MSRA: variants seen among roughly 807,000 people sequenced by gnomAD.
The protein encoded by MSRA is methionine sulfoxide reductase A.
In MSRA, 54 loss-of-function variants were observed where a neutral mutation model predicts 31.3. That is an observed-to-expected ratio of 1.73 (90% confidence interval 1.39 to 2.17). The LOEUF is 2.17. MSRA is among the 30% of genes most tolerant of loss of function. MSRA has a pLI of 0.00. For missense variants in MSRA, 507 were observed against 300.9 expected (o/e 1.69, Z -5.07); for synonymous variants, 169 against 116.5 (o/e 1.45, Z -2.90).
chr8:10,323,642 C>T (rs962928797), intron 5 of MSRA, among the ~76,000 whole-genome samples: 4 of 151,778 alleles, frequency 2.6e-5, no homozygotes, highest in Non-Finnish European at 4.4e-5. Flanking sequence ...TATAATTATC[C>T]TTTCATTATT....
At chr8:10,379,305 A>G (rs11249994) in intron 5 of MSRA, among the ~76,000 whole-genome samples, 74,372 of 151,660 alleles carry the variant, frequency 0.49, 18,496 homozygotes, top group Non-Finnish European at 0.53. Context: ...TTGCTTAACG[A>G]AGAAAAAAAA....
chr8:10,295,218 G>A (rs577179712), intron 3 of MSRA, among the ~76,000 whole-genome samples: 3 of 152,184 alleles, frequency 2.0e-5, no homozygotes, highest in Admixed American at 2.0e-4. Flanking sequence ...TCTCAGGGAC[G>A]CCTGCTCCTC....
intron 1 of MSRA, among the ~76,000 whole-genome samples, chr8:10,165,334 A>G (rs6999817): frequency 0.029 from 4,405 of 152,092 alleles, 225 homozygotes; most frequent in African/African-American, 0.1. Flanking sequence ...AAGTGCTTCT[A>G]TTCTTTTTTT....
chr8:10,191,488 G>T (rs956952249), intron 1 of MSRA, among the ~76,000 whole-genome samples: 14 of 152,156 alleles, frequency 9.2e-5, no homozygotes, highest in African/African-American at 3.4e-4. Context: ...GCAATCCCCT[G>T]GATAATGCAA....
intron 5 of MSRA, among the ~76,000 whole-genome samples, chr8:10,329,749 C>G (rs955230875): frequency 4.6e-5 from 7 of 151,404 alleles, no homozygotes; most frequent in African/African-American, 1.7e-4. Flanking sequence ...GGTGGGAGCG[C>G]ATCTGGCTTG....
chr8:10,356,039 G>C (rs1436485236), intron 5 of MSRA, among the ~76,000 whole-genome samples: 1 of 152,214 alleles, frequency 6.6e-6, no homozygotes, highest in Non-Finnish European at 1.5e-5. Flanking sequence ...CCAGACTGCT[G>C]TGCCATCGAC....
chr8:10,111,543 C>G (rs755517209), intron 1 of MSRA, among the ~76,000 whole-genome samples: 2 of 152,196 alleles, frequency 1.3e-5, no homozygotes, highest in East Asian at 1.9e-4. Context: ...GACCATCAGA[C>G]AGGCCTTTTT....
chr8:10,080,626 C>T (rs575329296), intron 1 of MSRA, among the ~76,000 whole-genome samples: 5 of 151,878 alleles, frequency 3.3e-5, no homozygotes, highest in African/African-American at 4.8e-5. Flanking sequence ...TCTGGGCTCA[C>T]GCAATCCTCC....
At chr8:10,081,195 C>T (rs980842049) in intron 1 of MSRA, among the ~76,000 whole-genome samples, 27 of 152,160 alleles carry the variant, frequency 1.8e-4, no homozygotes, top group South Asian at 8.3e-4. Flanking sequence ...AAGAACTAGG[C>T]GGATGGGGCA....
At chr8:10,275,250 T>C (rs576496867) in intron 3 of MSRA, among the ~76,000 whole-genome samples, 52 of 152,204 alleles carry the variant, frequency 3.4e-4, no homozygotes, top group Non-Finnish European at 5.7e-4. Flanking sequence ...ATCCCCGTGA[T>C]TGCAAGATAA....
intron 3 of MSRA, among the ~76,000 whole-genome samples, chr8:10,289,997 A>G (rs181743818): frequency 3.3e-5 from 5 of 152,306 alleles, no homozygotes; most frequent in African/African-American, 1.2e-4. Context: ...ATTGCTCTTA[A>G]CCATCTTCTA....
intron 3 of MSRA, among the ~76,000 whole-genome samples, chr8:10,256,334 G>T (rs1798177831): frequency 1.3e-5 from 2 of 152,194 alleles, no homozygotes; most frequent in South Asian, 2.1e-4. Flanking sequence ...AATATTCCAT[G>T]GCCTGGATGT....
At chr8:10,302,635 G>T (rs758890980) in intron 4 of MSRA, among the ~76,000 whole-genome samples, 1 of 152,220 alleles carries the variant, frequency 6.6e-6, no homozygotes, top group Non-Finnish European at 1.5e-5. Flanking sequence ...TTTGCCAGAG[G>T]GCAAAGGTCA....
At chr8:10,124,221 T>G (rs1322768902) in intron 1 of MSRA, among the ~76,000 whole-genome samples, 2 of 152,062 alleles carry the variant, frequency 1.3e-5, no homozygotes, top group African/African-American at 4.8e-5. Context: ...GATAGATAAG[T>G]GGACAGGGAG....
intron 2 of MSRA, among the ~76,000 whole-genome samples, chr8:10,243,927 G>A (rs765425730): frequency 1.4e-4 from 21 of 151,808 alleles, no homozygotes; most frequent in Non-Finnish European, 2.9e-5. Context: ...ACCTATTTTT[G>A]ATTAACACAT....
At position 10,250,530 on chromosome 8, in the gene MSRA, C is replaced by T. The variant is rs1309478174; in HGVS notation, c.331+5307C>T. On this transcript the variant is annotated intron_variant, in intron 3 of 5. Coordinates refer to ENST00000317173, the MANE Select transcript of MSRA (RefSeq NM_012331.5). ...CATGAAAGGAGCTGCACAACTTTTC[C>T]TCGTAAGATTTACACAAGCAGCACG... The T allele has an allele frequency of 5.7e-6, 4 of 696,940 alleles. No individual in the cohort carries two copies. The East Asian group carries it at 1.1e-4, about 19-fold the overall frequency. The allele number at this position is 696,940 out of a possible 1,614,324, so 43.2% of individuals were successfully genotyped here. A position where few individuals can be genotyped will look rare whatever the true frequency, so the allele number is the denominator to read the frequency against.
chr8:10,102,352 G>A (rs1006718575), intron 1 of MSRA, among the ~76,000 whole-genome samples: 13 of 152,100 alleles, frequency 8.5e-5, no homozygotes, highest in African/African-American at 3.1e-4. Context: ...TATTCAGATT[G>A]CATAATTTCT....
intron 1 of MSRA, among the ~76,000 whole-genome samples, chr8:10,129,755 C>G (rs923903548): frequency 6.6e-6 from 1 of 152,172 alleles, no homozygotes; most frequent in African/African-American, 2.4e-5. Context: ...AAAATAAAGA[C>G]ATTCTGTGTT....
chr8:10,131,518 G>A (rs1437909004), intron 1 of MSRA, among the ~76,000 whole-genome samples: 1 of 152,232 alleles, frequency 6.6e-6, no homozygotes, highest in Admixed American at 6.5e-5. Context: ...AAGGTTAGCA[G>A]GTTCGTAGGT....
Sources: gnomAD v4.1 joint callset for allele counts (sites outside exome capture counted in the v4.1 genomes callset) on GRCh38, gnomAD v4.1.1 for gene constraint, MANE v1.5 for transcripts, NCBI Gene and HGNC (gene_info 2026-07-23, HGNC 2026-07-21) for gene names.